MIAT: variants seen among roughly 807,000 people sequenced by gnomAD.
The protein encoded by MIAT is myocardial infarction associated transcript.
chr22:26,669,117 AG>A (rs1338933506), exon 6 of MIAT: 1 of 398,684 alleles, frequency 2.5e-6, no homozygotes, highest in Non-Finnish European at 4.4e-6. Context: ...GTGGCAGGAC[AG>A]GCCCCACAAT....
At chr22:26,659,324 T>C (rs1236747089) in intron 2 of MIAT, among the ~76,000 whole-genome samples, 2 of 152,202 alleles carry the variant, frequency 1.3e-5, no homozygotes, top group Non-Finnish European at 2.9e-5. Context: ...TAATTTCATG[T>C]TGAAAGCATT....
intron 2 of MIAT, among the ~76,000 whole-genome samples, chr22:26,654,821 C>T (rs1032874182): frequency 2.6e-5 from 4 of 152,130 alleles, no homozygotes; most frequent in African/African-American, 9.7e-5. Flanking sequence ...ACGCCATTCT[C>T]CTGCCTCAGC....
chr22:26,665,247 A>AAAAGAAAGAAAGAAAGAAGGAAAG lies in MIAT; in HGVS notation n.730-266_730-265insGGAAAGAAAGAAAGAAAGAAAGAA, dbSNP rs1555949226. ...CAGAGTGAGATCCTGTCTCCAGAAA[A>AAAAGAAAGAAAGAAAGAAGGAAAG]AAAGAAAGAAAGAAAGAAAGAAAGA... is the stretch of plus-strand genomic sequence containing the variant. On this transcript the variant is annotated intron_variant and non_coding_transcript_variant, in intron 3 of 5. Coordinates refer to ENST00000643270, the Ensembl canonical transcript of MIAT. Among the ~76,000 whole-genome samples, 4 of 144,156 alleles carry AAAAGAAAGAAAGAAAGAAGGAAAG rather than the reference A, an allele frequency of 2.8e-5. No homozygotes were observed. In the East Asian group the frequency reaches 8.2e-4, roughly 30 times the overall value. 94.6% of individuals were successfully genotyped at this position (144,156 alleles called of 152,430 possible). A position where few individuals can be genotyped will look rare whatever the true frequency, so the allele number is the denominator to read the frequency against.
chr22:26,668,317 T>C (rs561115168), exon 6 of MIAT: 14 of 398,510 alleles, frequency 3.5e-5, no homozygotes, highest in Non-Finnish European at 6.2e-5. Context: ...TTCACACCTG[T>C]TGGGATGGAG....
Position 26,664,689 on chromosome 22 carries a change from T to C in MIAT, n.730-842T>C, listed in dbSNP as rs1930783253. Among the ~76,000 whole-genome samples, 4 of 152,260 alleles carry C rather than the reference T, an allele frequency of 2.6e-5. No individual in the cohort carries two copies. The South Asian group carries it at 6.2e-4, about 24-fold the overall frequency. Reference sequence around the variant, plus strand: ...GTTGTAGTATGTACTAATAGTTTGTTCCTTTTTATTGATGAGTAGATTCCC... The same window carrying C: ...GTTGTAGTATGTACTAATAGTTTGTCCCTTTTTATTGATGAGTAGATTCCC... On this transcript the variant is annotated intron_variant and non_coding_transcript_variant, in intron 3 of 5. Transcript: ENST00000643270.
chr22:26,664,540 A>G (rs1305996650), intron 3 of MIAT, among the ~76,000 whole-genome samples: 3 of 152,098 alleles, frequency 2.0e-5, no homozygotes, highest in African/African-American at 7.2e-5. Context: ...AGGAACCACA[A>G]ATCTATTTCT....
At chr22:26,661,402 C>A (rs1307573288) in intron 2 of MIAT, among the ~76,000 whole-genome samples, 3 of 152,054 alleles carry the variant, frequency 2.0e-5, no homozygotes, top group Non-Finnish European at 4.4e-5. Context: ...CCAGGTGGGC[C>A]CCTCTGGAAG....
Position 26,669,534 on chromosome 22 carries a change from C to T in MIAT, n.3639C>T, listed in dbSNP as rs143302774. On this transcript the variant is annotated non_coding_transcript_exon_variant, in exon 6 of 6. Coordinates refer to ENST00000643270, the Ensembl canonical transcript of MIAT. ...ACCATATTAGGGCTTAAACCTATGACCTCATTTAACCTTAACCCCTTAAAG... is the reference window on the plus strand; with the variant it reads ...ACCATATTAGGGCTTAAACCTATGATCTCATTTAACCTTAACCCCTTAAAG... The T allele has an allele frequency of 2.5e-3, 984 of 398,620 alleles. 7 individuals carry two copies. Among genetic ancestry groups the T allele is most frequent in the Non-Finnish European group, 2.4e-3 (552 of 226,066 alleles). The allele number at this position is 398,620 out of a possible 1,614,324, so 24.7% of individuals were successfully genotyped here. A position where few individuals can be genotyped will look rare whatever the true frequency, so the allele number is the denominator to read the frequency against.
intron 2 of MIAT, among the ~76,000 whole-genome samples, chr22:26,648,661 T>G (rs1411242754): frequency 6.6e-6 from 1 of 152,072 alleles, no homozygotes; most frequent in Non-Finnish European, 1.5e-5. Flanking sequence ...TAATTTTTTT[T>G]AAGTGCCGCT....
chr22:26,670,925 C>CT (rs1931022467), downstream of MIAT: 1 of 396,794 alleles, frequency 2.5e-6, no homozygotes, highest in Non-Finnish European at 4.4e-6. Flanking sequence ...GTGGGGGAGT[C>CT]TCAACTTGGT....
chr22:26,661,019 G>A (rs1248548163), intron 2 of MIAT, among the ~76,000 whole-genome samples: 1 of 152,254 alleles, frequency 6.6e-6, no homozygotes, highest in Non-Finnish European at 1.5e-5. Flanking sequence ...CCCACTGGGT[G>A]TCAGCTGAGT....
At chr22:26,671,258 T>C (rs1000402874), downstream of MIAT, 3 of 398,528 alleles carry the variant, frequency 7.5e-6, no homozygotes, top group Admixed American at 4.4e-5. Flanking sequence ...AACATGCTTT[T>C]GGGCAGGGTC....
At chr22:26,663,263 C>G (rs1930733913) in intron 2 of MIAT, 3 of 398,494 alleles carry the variant, frequency 7.5e-6, no homozygotes, top group Non-Finnish European at 1.3e-5. Flanking sequence ...TCCACTGTAC[C>G]CATGGGTATG....
chr22:26,648,556 T>C (rs1228188500), intron 2 of MIAT, among the ~76,000 whole-genome samples: 2 of 101,590 alleles, frequency 2.0e-5, no homozygotes, highest in African/African-American at 6.5e-5. Flanking sequence ...TTGATGGGGT[T>C]TTGTTTTTTT....
downstream of MIAT, chr22:26,673,339 T>C (rs1311347620): frequency 7.5e-6 from 3 of 398,756 alleles, no homozygotes; most frequent in African/African-American, 4.1e-5. Flanking sequence ...TTCTTTGGGC[T>C]AATCTCTGGC....
chr22:26,669,816 C>G (rs1369986087), downstream of MIAT: 1 of 399,024 alleles, frequency 2.5e-6, no homozygotes, highest in Non-Finnish European at 4.4e-6. Flanking sequence ...ACTGGCAGGG[C>G]TCAGTGCAGG....
chr22:26,671,013 A>T, downstream of MIAT: 1 of 398,066 alleles, frequency 2.5e-6, no homozygotes, highest in Non-Finnish European at 4.4e-6. Flanking sequence ...GAGAAACTAG[A>T]GGCCTGACAG....
intron 2 of MIAT, among the ~76,000 whole-genome samples, chr22:26,662,985 A>G (rs1022681987): frequency 4.6e-5 from 7 of 152,230 alleles, no homozygotes; most frequent in African/African-American, 1.7e-4. Context: ...TCCTCATGAC[A>G]ACCCTGTGAG....
chr22:26,672,849 A>G (rs905020524), downstream of MIAT: 2 of 398,478 alleles, frequency 5.0e-6, no homozygotes, highest in Non-Finnish European at 8.8e-6. Flanking sequence ...CGGCCAGAGA[A>G]ACATTTCTCA....
Sources: gnomAD v4.1 joint callset for allele counts (sites outside exome capture counted in the v4.1 genomes callset) on GRCh38, gnomAD v4.1.1 for gene constraint, MANE v1.5 for transcripts, NCBI Gene and HGNC (gene_info 2026-07-23, HGNC 2026-07-21) for gene names.